The following ADD3 variants were observed in gnomAD, a reference collection of about 807,000 sequenced individuals.
ADD3 encodes adducin 3.
ADD3 carries 25 observed loss-of-function variants against 80.2 expected under a neutral mutation model. The observed-to-expected ratio is 0.31, with a 90% CI of 0.23 to 0.44. The LOEUF (loss-of-function observed/expected upper bound fraction) is 0.44. Ranked by LOEUF, ADD3 falls within the 20% of genes least tolerant of loss-of-function variation. ADD3 has a pLI of 1.00. For missense variants in ADD3, 829 were observed against 847.5 expected (o/e 0.98, Z 0.27); for synonymous variants, 284 against 289.6 (o/e 0.98, Z 0.20).
At chr10:110,076,313 C>T (rs1354083984) in intron 1 of ADD3, among the ~76,000 whole-genome samples, 3 of 152,006 alleles carry the variant, frequency 2.0e-5, no homozygotes, top group African/African-American at 4.8e-5. Context: ...GATATTTGTA[C>T]AGTATTTATA....
chr10:110,058,063 G>A (rs1858423136), intron 1 of ADD3, among the ~76,000 whole-genome samples: 1 of 151,776 alleles, frequency 6.6e-6, no homozygotes, highest in Non-Finnish European at 1.5e-5. Context: ...CTCTTACCAT[G>A]AAATATTTCT....
At chr10:110,086,036 C>T (rs954295022) in intron 1 of ADD3, among the ~76,000 whole-genome samples, 3 of 151,942 alleles carry the variant, frequency 2.0e-5, no homozygotes, top group African/African-American at 4.8e-5. Flanking sequence ...ACCTGGGAGG[C>T]GGAAGTTGCA....
chr10:110,051,799 TTTTA>T (rs751464558), intron 1 of ADD3, among the ~76,000 whole-genome samples: 14 of 152,164 alleles, frequency 9.2e-5, no homozygotes, highest in Non-Finnish European at 7.4e-5. Context: ...ACGGTTGGCT[TTTTA>T]TTTATTTACT....
At chr10:110,052,159 GA>G (rs1004628728) in intron 1 of ADD3, among the ~76,000 whole-genome samples, 1 of 151,826 alleles carries the variant, frequency 6.6e-6, no homozygotes, top group Non-Finnish European at 1.5e-5. Flanking sequence ...TAAGTGAATT[GA>G]AAAAAAATGT....
intron 1 of ADD3, among the ~76,000 whole-genome samples, chr10:110,041,976 T>G (rs184045423): frequency 6.6e-6 from 1 of 152,356 alleles, no homozygotes; most frequent in East Asian, 1.9e-4. Flanking sequence ...AATAAAATAT[T>G]CTAAAGTTGG....
chr10:110,119,783 C>T (rs1851227092), intron 8 of ADD3: 1 of 435,394 alleles, frequency 2.3e-6, no homozygotes, highest in Non-Finnish European at 4.1e-6. Context: ...CTAAGGGCCT[C>T]ATAAACATCA....
chr10:110,046,074 T>TTA (rs938746311), intron 1 of ADD3, among the ~76,000 whole-genome samples: 119 of 152,304 alleles, frequency 7.8e-4, no homozygotes, highest in African/African-American at 2.8e-3. Context: ...AAGTGATACT[T>TTA]TCAAGAAGCA....
At chr10:110,130,612 T>G in intron 13 of ADD3, 126 bp downstream of exon 13, 17 of 1,015,060 alleles carry the variant, frequency 1.7e-5, no homozygotes, top group Non-Finnish European at 2.3e-5. Flanking sequence ...TCCCAGCACT[T>G]TGGGAGACCA....
chr10:110,108,435 C>T (rs1849627762), intron 2 of ADD3, among the ~76,000 whole-genome samples: 2 of 152,104 alleles, frequency 1.3e-5, no homozygotes, highest in Admixed American at 1.3e-4. Flanking sequence ...ATTCCATTTA[C>T]TTATTAGCTT....
chr10:109,997,519 G>A (rs1851403811), intron 1 of ADD3: 1 of 152,182 alleles, frequency 6.6e-6, no homozygotes, highest in African/African-American at 2.4e-5. Context: ...CTGCACTTAG[G>A]TAGCCATTTT....
At chr10:110,120,578 G>A (rs1851365604) in intron 8 of ADD3, among the ~76,000 whole-genome samples, 2 of 151,952 alleles carry the variant, frequency 1.3e-5, no homozygotes, top group Admixed American at 6.6e-5. Flanking sequence ...TAGTCCTTTG[G>A]GTATATACCC....
chr10:110,064,579 G>C (rs1345732924), intron 1 of ADD3, among the ~76,000 whole-genome samples: 1 of 151,934 alleles, frequency 6.6e-6, no homozygotes, highest in Non-Finnish European at 1.5e-5. Flanking sequence ...AGAAAAATTG[G>C]GTTATTTTTC....
chr10:110,114,092 G>A (rs747648486), intron 3 of ADD3, among the ~76,000 whole-genome samples: 3 of 152,216 alleles, frequency 2.0e-5, no homozygotes, highest in Non-Finnish European at 4.4e-5. Context: ...AGGAGCTACA[G>A]GAGACCTGGG....
At chr10:110,081,228 G>T (rs1169639028) in intron 1 of ADD3, among the ~76,000 whole-genome samples, 4 of 152,088 alleles carry the variant, frequency 2.6e-5, no homozygotes, top group Non-Finnish European at 5.9e-5. Context: ...ATAATTATTA[G>T]TGTTCCTTGT....
chr10:110,107,068 TCTTAA>T (rs927149796), intron 2 of ADD3, among the ~76,000 whole-genome samples: 21 of 152,068 alleles, frequency 1.4e-4, no homozygotes, highest in Non-Finnish European at 8.8e-5. Context: ...GAAAAGAAAC[TCTTAA>T]CTTAGTATTA....
chr10:110,103,264 C>T (rs533993441), intron 2 of ADD3, among the ~76,000 whole-genome samples: 33 of 152,218 alleles, frequency 2.2e-4, no homozygotes, highest in Non-Finnish European at 3.1e-4. Flanking sequence ...TATTCCAGAA[C>T]TTAGCAGCTT....
intron 2 of ADD3, among the ~76,000 whole-genome samples, chr10:110,102,130 C>A (rs1449393558): frequency 6.6e-6 from 1 of 152,030 alleles, no homozygotes; most frequent in African/African-American, 2.4e-5. Flanking sequence ...TTATAGTGCC[C>A]ACTTTAAAGA....
Position 110,117,433 on chromosome 10 carries a change from C to T in ADD3, c.567+11C>T. 6.5e-7 allele frequency: 1 copy of T among 1,543,770 alleles called. No individual in the cohort carries two copies. On this transcript the variant is annotated intron_variant, in intron 5 of 14. Coordinates refer to ENST00000356080, the MANE Select transcript of ADD3 (RefSeq NM_016824.5). ...ACAGCCTCCAATTTGGTATAATTTTCCATTCCTGTGTTGCTTTTTCTGAGC... is the reference window on the plus strand; with the variant it reads ...ACAGCCTCCAATTTGGTATAATTTTTCATTCCTGTGTTGCTTTTTCTGAGC...
chr10:110,031,347 T>C (rs1239246656), intron 1 of ADD3, among the ~76,000 whole-genome samples: 1 of 152,212 alleles, frequency 6.6e-6, no homozygotes, highest in African/African-American at 2.4e-5. Flanking sequence ...GGTACAGTGC[T>C]AGGTACTTTA....
Sources: allele counts gnomAD v4.1 joint callset (sites outside exome capture counted in the v4.1 genomes callset), GRCh38; gene constraint gnomAD v4.1.1; transcripts MANE v1.5; gene names NCBI Gene and HGNC (gene_info 2026-07-23, HGNC 2026-07-21).